The following KCNMB2 variants were observed in gnomAD, a reference collection of about 807,000 sequenced individuals.
KCNMB2 encodes the protein potassium calcium-activated channel subfamily M regulatory beta subunit 2, also known as calcium-activated potassium channel subunit beta-2.
In KCNMB2, 9 loss-of-function variants were observed where a neutral mutation model predicts 24.5. That is an observed-to-expected ratio of 0.37 (90% CI 0.22 to 0.64). The LOEUF is 0.64. KCNMB2 is among the 30% of genes least tolerant of loss of function. KCNMB2 has a pLI of 0.63. For missense variants in KCNMB2, 226 were observed against 284.3 expected (o/e 0.79, Z 1.47); for synonymous variants, 109 against 104.4 (o/e 1.04, Z -0.27).
intron 1 of KCNMB2, among the ~76,000 whole-genome samples, chr3:178,733,948 A>G (rs1014053015): frequency 2.0e-5 from 3 of 152,160 alleles, no homozygotes; most frequent in Admixed American, 2.0e-4. Context: ...AAAGTGATTG[A>G]ATTCTAGGTG....
chr3:178,627,220 T>C (rs1719153439), intron 1 of KCNMB2, among the ~76,000 whole-genome samples: 1 of 152,170 alleles, frequency 6.6e-6, no homozygotes, highest in Admixed American at 6.5e-5. Flanking sequence ...ATTTCATTCA[T>C]GATTGGCCTT....
chr3:178,756,221 T>C (rs1724032306), intron 1 of KCNMB2, among the ~76,000 whole-genome samples: 1 of 151,808 alleles, frequency 6.6e-6, no homozygotes, highest in Non-Finnish European at 1.5e-5. Flanking sequence ...TGTGTGTATA[T>C]ATATGTGGGT....
intron 1 of KCNMB2, among the ~76,000 whole-genome samples, chr3:178,794,643 C>T (rs1713462292): frequency 6.6e-6 from 1 of 152,214 alleles, no homozygotes; most frequent in Non-Finnish European, 1.5e-5. Flanking sequence ...TTATAACCAG[C>T]TCAGAAGCAG....
At chr3:178,780,250 T>A (rs1712773551) in intron 1 of KCNMB2, among the ~76,000 whole-genome samples, 1 of 152,174 alleles carries the variant, frequency 6.6e-6, no homozygotes, top group African/African-American at 2.4e-5. Context: ...TCTAGTGTAA[T>A]TCATCTTCCT....
chr3:178,647,960 ATAAT>A (rs904379224), intron 1 of KCNMB2, among the ~76,000 whole-genome samples: 117 of 151,710 alleles, frequency 7.7e-4, no homozygotes, highest in Admixed American at 5.5e-3. Context: ...TTATATATAA[ATAAT>A]TAATTTCATT....
At chr3:178,678,326 C>T (rs1560162219) in intron 1 of KCNMB2, among the ~76,000 whole-genome samples, 1 of 152,206 alleles carries the variant, frequency 6.6e-6, no homozygotes, top group Non-Finnish European at 1.5e-5. Flanking sequence ...GACATGGCCT[C>T]AGATCCCATT....
At chr3:178,653,681 T>G (rs1354378340) in intron 1 of KCNMB2, among the ~76,000 whole-genome samples, 1 of 152,156 alleles carries the variant, frequency 6.6e-6, no homozygotes, top group African/African-American at 2.4e-5. Flanking sequence ...ATTTTTTCTC[T>G]ATTAATGAAT....
intron 2 of KCNMB2, among the ~76,000 whole-genome samples, chr3:178,808,878 G>GA (rs1180138331): frequency 2.0e-5 from 3 of 151,904 alleles, no homozygotes; most frequent in African/African-American, 7.2e-5. Flanking sequence ...CTTAATTATG[G>GA]AAAAAATAAT....
At chr3:178,659,742 T>C (rs571073245) in intron 1 of KCNMB2, among the ~76,000 whole-genome samples, 1 of 152,304 alleles carries the variant, frequency 6.6e-6, no homozygotes, top group South Asian at 2.1e-4. Context: ...AACTCCTATT[T>C]CATATGAAAG....
chr3:178,672,407 T>A (rs1720930807), intron 1 of KCNMB2, among the ~76,000 whole-genome samples: 1 of 152,182 alleles, frequency 6.6e-6, no homozygotes. Flanking sequence ...TCAGAATCAG[T>A]GTTCTCAACC....
chr3:178,709,860 G>C (rs1559984034), intron 1 of KCNMB2, among the ~76,000 whole-genome samples: 1 of 152,012 alleles, frequency 6.6e-6, no homozygotes, highest in Non-Finnish European at 1.5e-5. Flanking sequence ...TACAATTCTG[G>C]GAGAAAAATA....
rs57471892 is a variant in KCNMB2 at position 178,595,059 on chromosome 3, C to CAAAAAAAAAAAAAA, written c.-68+58351_-68+58364dup. ...GCCTTAGTGGCATATACAGTATTTG[C>CAAAAAAAAAAAAAA]AAAAAAAAAAAAAAAATCAATACAT... On this transcript the variant is annotated intron_variant, in intron 1 of 4. Coordinates refer to ENST00000452583, the MANE Select transcript of KCNMB2 (RefSeq NM_181361.3). 1.5e-4 allele frequency among the ~76,000 whole-genome samples: 19 copies of CAAAAAAAAAAAAAA among 123,694 alleles called. 1 individual carries two copies. Among genetic ancestry groups the CAAAAAAAAAAAAAA allele is most frequent in the East Asian group, 1.0e-3 (4 of 3,980 alleles). 81.1% of individuals were successfully genotyped at this position (123,694 alleles called of 152,430 possible). A position where few individuals can be genotyped will look rare whatever the true frequency, so the allele number is the denominator to read the frequency against.
intron 1 of KCNMB2, among the ~76,000 whole-genome samples, chr3:178,551,053 T>C (rs1257554963): frequency 6.6e-6 from 1 of 152,064 alleles, no homozygotes; most frequent in African/African-American, 2.4e-5. Flanking sequence ...CAAAATCAGG[T>C]TGCAATGACA....
intron 1 of KCNMB2, among the ~76,000 whole-genome samples, chr3:178,775,236 C>G (rs187910666): frequency 5.9e-5 from 9 of 152,148 alleles, no homozygotes; most frequent in Admixed American, 4.6e-4. Context: ...TTTTTAAACA[C>G]TTGATTTCTT....
chr3:178,743,439 C>A (rs1723558721), intron 1 of KCNMB2, among the ~76,000 whole-genome samples: 1 of 152,126 alleles, frequency 6.6e-6, no homozygotes. Flanking sequence ...AGCAGCTAAG[C>A]CTTCTAATCT....
chr3:178,642,372 A>T (rs1719758436), intron 1 of KCNMB2, among the ~76,000 whole-genome samples: 1 of 152,192 alleles, frequency 6.6e-6, no homozygotes, highest in Non-Finnish European at 1.5e-5. Flanking sequence ...GTCCTGGACA[A>T]ATAAGATGAC....
chr3:178,601,769 C>G (rs1560126112), intron 1 of KCNMB2, among the ~76,000 whole-genome samples: 1 of 152,182 alleles, frequency 6.6e-6, no homozygotes, highest in Non-Finnish European at 1.5e-5. Flanking sequence ...CCTAAGATTT[C>G]CATGTTAGTA....
At chr3:178,548,489 T>C (rs1479739184) in intron 1 of KCNMB2, among the ~76,000 whole-genome samples, 1 of 152,180 alleles carries the variant, frequency 6.6e-6, no homozygotes, top group East Asian at 1.9e-4. Flanking sequence ...CCTTCTCTCA[T>C]CCTGTTACAA....
At chr3:178,704,988 T>C (rs1385567748) in intron 1 of KCNMB2, among the ~76,000 whole-genome samples, 1 of 152,054 alleles carries the variant, frequency 6.6e-6, no homozygotes, top group Admixed American at 6.6e-5. Context: ...CTATCATCCT[T>C]TCCTCCTCTT....
Sources: allele counts gnomAD v4.1 joint callset (sites outside exome capture counted in the v4.1 genomes callset), GRCh38; gene constraint gnomAD v4.1.1; transcripts MANE v1.5; gene names NCBI Gene and HGNC (gene_info 2026-07-23, HGNC 2026-07-21).